Variants in CSRP1 observed in about 807,000 individuals in gnomAD.
CSRP1 encodes cysteine and glycine rich protein 1.
Under a neutral mutation model 25.4 loss-of-function variants are expected in CSRP1, and 16 were observed. The ratio of observed to expected loss-of-function variants is 0.63; its 90% CI spans 0.43 to 0.96. The LOEUF (loss-of-function observed/expected upper bound fraction) is 0.96. Among genes scored for constraint, CSRP1 ranks in the 40% least tolerant of loss-of-function variants. The pLI is 0.00. For missense variants in CSRP1, 212 were observed against 243.6 expected (o/e 0.87, Z 0.86); for synonymous variants, 97 against 95.3 (o/e 1.02, Z -0.10).
At chr1:201,491,170 T>C (rs1016922610) in intron 2 of CSRP1, 1 of 152,254 alleles carries the variant, frequency 6.6e-6, no homozygotes, top group African/African-American at 2.4e-5. Flanking sequence ...CAGTGGCTCA[T>C]GCCTGTAGTT....
At chr1:201,506,802 G>A (rs1303590705) in intron 1 of CSRP1, 1 of 152,370 alleles carries the variant, frequency 6.6e-6, no homozygotes, top group East Asian at 1.9e-4. Context: ...CCGACTTGCA[G>A]GCGGTTGCGG....
chr1:201,488,660 T>TG, intron 4 of CSRP1, 195 bp downstream of exon 4: 1 of 519,632 alleles, frequency 1.9e-6, no homozygotes, highest in Non-Finnish European at 3.4e-6. Flanking sequence ...GGGATGTTAC[T>TG]GCTCATGGCT....
At chr1:201,503,463 C>G (rs1557977704) in intron 1 of CSRP1, among the ~76,000 whole-genome samples, 1 of 152,180 alleles carries the variant, frequency 6.6e-6, no homozygotes, top group Non-Finnish European at 1.5e-5. Context: ...TAAAGAAAGC[C>G]AGGCACACAG....
chr1:201,498,671 A>G (rs1202471038), intron 1 of CSRP1, among the ~76,000 whole-genome samples: 2 of 152,222 alleles, frequency 1.3e-5, no homozygotes, highest in Non-Finnish European at 2.9e-5. Flanking sequence ...CTCTGTCCCC[A>G]TGCTCTGCAT....
intron 4 of CSRP1, chr1:201,486,218 C>G (rs549663616): frequency 2.2e-4 from 74 of 331,894 alleles, no homozygotes; most frequent in African/African-American, 1.6e-3. Flanking sequence ...GGGCAAACAG[C>G]TGTCCCAGAA....
chr1:201,497,962 A>G (rs1178873297), intron 1 of CSRP1, among the ~76,000 whole-genome samples: 1 of 151,994 alleles, frequency 6.6e-6, no homozygotes, highest in Non-Finnish European at 1.5e-5. Flanking sequence ...GTGAGTCGAG[A>G]TCGCGCCATT....
Position 201,503,071 on chromosome 1 carries a change from G to A in CSRP1, c.-2+3999C>T, listed in dbSNP as rs565077835. 5.3e-5 allele frequency among the ~76,000 whole-genome samples: 8 copies of A among 152,120 alleles called. No individual in the cohort carries two copies. The East Asian group carries it at 9.6e-4, about 18-fold the overall frequency. ...TGAGGCAGGAGAATTGCTTGAACCC[G>A]GAGGCAGAGGTTGCAGTGAGCCAAG... On this transcript the variant is annotated intron_variant, in intron 1 of 5. Transcript: ENST00000340006.
At chr1:201,488,725 AAG>A (rs1664228797) in intron 4 of CSRP1, 128 bp downstream of exon 4, 3 of 1,071,852 alleles carry the variant, frequency 2.8e-6, no homozygotes, top group African/African-American at 1.6e-5. Context: ...CACAGGGACA[AAG>A]AGAAGAGGTT....
At chr1:201,493,014 T>C (rs912332900) in intron 2 of CSRP1, 32 of 152,418 alleles carry the variant, frequency 2.1e-4, no homozygotes, top group Admixed American at 9.2e-4. Context: ...AGAGTTCTTC[T>C]TTCCTCAGGG....
chr1:201,488,980 G>T lies in CSRP1; in HGVS notation c.286C>A (p.Pro96Thr). The change falls in exon 4 of 6, where the codon CCT becomes ACT. Residue 96 changes from proline (P) to threonine (T), a missense_variant. Pro to Thr is a conservative substitution (Grantham distance 38). Coordinates refer to ENST00000340006, the MANE Select transcript of CSRP1 (RefSeq NM_004078.3). ...GGGTTGGTGGTGGGCCTGTGGCCAG[G>T]GGCTCTGCATGGAGAAGGGCATGGG... ...ESLGIKHEEAPGHRPTTNPNA... is the reference protein window; with the variant it reads ...ESLGIKHEEATGHRPTTNPNA... 1 of 1,613,794 alleles carries T rather than the reference G, an allele frequency of 6.2e-7. No individual in the cohort carries two copies. Among genetic ancestry groups the T allele is most frequent in the Non-Finnish European group, 8.5e-7 (1 of 1,179,850 alleles).
chr1:201,504,099 G>A (rs1664745528), intron 1 of CSRP1, among the ~76,000 whole-genome samples: 2 of 152,202 alleles, frequency 1.3e-5, no homozygotes, highest in South Asian at 2.1e-4. Context: ...TTTCCTTAGT[G>A]AGTTGATCTG....
chr1:201,486,782 C>T (rs3767541), intron 4 of CSRP1: 655,930 of 1,085,402 alleles, frequency 0.6, 208,384 homozygotes, highest in Non-Finnish European at 0.66. Context: ...GGGCTTCTCC[C>T]TACCTTTTCC....
rs1664081694 is a variant in CSRP1 at position 201,484,846 on chromosome 1, C to G, written c.506-57G>C. ...TCTTCCTCCACCCCCAGCCACACCA[C>G]CCACCCTCCTGCTGAAGATCCCCCA... On this transcript the variant is annotated intron_variant, in intron 5 of 5. Transcript: ENST00000340006. 4 of 1,473,820 alleles carry G rather than the reference C, an allele frequency of 2.7e-6. No homozygotes were observed. In the South Asian group the frequency reaches 4.8e-5, roughly 18 times the overall value. The allele number at this position is 1,473,820 out of a possible 1,614,324, so 91.3% of individuals were successfully genotyped here.
chr1:201,484,704 A>G lies in CSRP1; in HGVS notation c.*9T>C. ...AGGAGTGGGCAGGGTGTGGTGGGTG[A>G]TGGTGGCCTCACTCAGAGTGGACCA... On this transcript the variant is annotated 3_prime_UTR_variant, in exon 6 of 6. Coordinates refer to ENST00000340006, the MANE Select transcript of CSRP1 (RefSeq NM_004078.3). 1.2e-6 allele frequency: 2 copies of G among 1,608,840 alleles called. No individual in the cohort carries two copies. The highest frequency in any genetic ancestry group is 8.5e-7 in the Non-Finnish European group (1 of 1,178,312).
intron 1 of CSRP1, among the ~76,000 whole-genome samples, chr1:201,502,668 G>A (rs889774397): frequency 4.6e-5 from 7 of 152,194 alleles, no homozygotes; most frequent in African/African-American, 1.7e-4. Context: ...TGGGCCTCCA[G>A]AACTTGACTG....
At chr1:201,491,499 A>G (rs1664337561) in intron 2 of CSRP1, 1 of 152,196 alleles carries the variant, frequency 6.6e-6, no homozygotes, top group African/African-American at 2.4e-5. Context: ...GAGATCTGAC[A>G]TGTGAAGTAC....
At chr1:201,489,934 C>A in intron 3 of CSRP1, 1 of 433,052 alleles carries the variant, frequency 2.3e-6, no homozygotes, top group African/African-American at 2.0e-5. Context: ...AGCTCTGACT[C>A]TCATACAAAT....
At chr1:201,490,459 G>T in intron 2 of CSRP1, 115 bp from the exon 3 acceptor site, 1 of 1,062,154 alleles carries the variant, frequency 9.4e-7, no homozygotes, top group Non-Finnish European at 1.4e-6. Context: ...ATAATATCCT[G>T]ATCTTTCAGG....
intron 2 of CSRP1, chr1:201,492,303 C>T (rs761337903): frequency 2.0e-5 from 3 of 152,280 alleles, no homozygotes; most frequent in Non-Finnish European, 4.4e-5. Flanking sequence ...TTCCAGATGG[C>T]TCCCCTGCCG....
Sources: allele counts gnomAD v4.1 joint callset (sites outside exome capture counted in the v4.1 genomes callset), GRCh38; gene constraint gnomAD v4.1.1; transcripts MANE v1.5; gene names NCBI Gene and HGNC (gene_info 2026-07-23, HGNC 2026-07-21).